CPSF3: variants seen among roughly 807,000 people sequenced by gnomAD.
CPSF3 encodes cleavage and polyadenylation specificity factor subunit 3.
A neutral mutation model predicts 84.1 loss-of-function variants in CPSF3; 57 were observed. The ratio of observed to expected loss-of-function variants is 0.68; its 90% CI spans 0.55 to 0.85. The LOEUF (loss-of-function observed/expected upper bound fraction) is 0.85, where lower values mean the gene tolerates loss of function less well. CPSF3 is among the 40% of genes least tolerant of loss of function. The probability of loss-of-function intolerance (pLI) is 0.00; values close to 1 mark genes in which losing one functional copy is unlikely to be tolerated. For missense variants in CPSF3, 522 were observed against 838.8 expected, an observed-to-expected ratio of 0.62 and a Z score of 4.66; for synonymous variants, 275 against 278.1, an observed-to-expected ratio of 0.99 and a Z score of 0.11.
intron 10 of CPSF3, among the ~76,000 whole-genome samples, chr2:9,444,408 G>A (rs912862856): frequency 1.3e-5 from 2 of 151,738 alleles, no homozygotes; most frequent in East Asian, 1.9e-4. Context: ...TTACAGGCGC[G>A]AGCCACTGCA....
intron 6 of CPSF3, among the ~76,000 whole-genome samples, 160 bp downstream of exon 6, chr2:9,434,120 C>T (rs898203480): frequency 1.3e-5 from 2 of 152,008 alleles, no homozygotes; most frequent in South Asian, 4.2e-4. Context: ...GTGGCTCACA[C>T]CTGTAATCCT....
intron 16 of CPSF3, 168 bp downstream of exon 16, chr2:9,467,944 T>G (rs1007781876): frequency 3.4e-5 from 20 of 582,136 alleles, no homozygotes; most frequent in Admixed American, 2.8e-4. Context: ...AACCGTTCCC[T>G]GCCAGCTCTG....
chr2:9,450,633 C>A (rs1448134081), intron 11 of CPSF3, among the ~76,000 whole-genome samples: 2 of 151,960 alleles, frequency 1.3e-5, no homozygotes, highest in East Asian at 1.9e-4. Context: ...ACTAAAGATA[C>A]GAAAATTAGC....
chr2:9,433,939 T>G lies in CPSF3; in HGVS notation c.588T>G (p.Ile196Met). The change falls in exon 6 of 18, where the codon ATT becomes ATG. Residue 196 changes from isoleucine (I) to methionine (M), a missense_variant. Transcript: ENST00000238112. The part of the protein sequence containing the change: ...RHLMAAEIPN[I>M]KPDILIIEST... Reference sequence around the variant, plus strand: ...TAATGGCAGCTGAAATTCCTAATATTAAGCCTGATATTCTTATCATTGTAA... The same window carrying G: ...TAATGGCAGCTGAAATTCCTAATATGAAGCCTGATATTCTTATCATTGTAA... The G allele has an allele frequency of 6.3e-7, 1 of 1,579,866 alleles. No individual in the cohort carries two copies. The highest frequency in any genetic ancestry group is 8.7e-7 in the Non-Finnish European group (1 of 1,149,112).
intron 15 of CPSF3, among the ~76,000 whole-genome samples, chr2:9,460,514 A>G (rs980388492): frequency 2.0e-5 from 3 of 152,202 alleles, no homozygotes; most frequent in African/African-American, 7.2e-5. Flanking sequence ...TTAGGAAGAT[A>G]TGCTACTATC....
intron 4 of CPSF3, 80 bp downstream of exon 4, chr2:9,430,960 T>C: frequency 9.7e-7 from 1 of 1,029,816 alleles, no homozygotes. Flanking sequence ...TTTTGTGTTT[T>C]AAAATGAGGT....
chr2:9,446,870 G>A (rs1681144409), intron 10 of CPSF3, among the ~76,000 whole-genome samples: 1 of 152,230 alleles, frequency 6.6e-6, no homozygotes, highest in African/African-American at 2.4e-5. Context: ...TTGGGGCTGA[G>A]CACAGTGGCT....
intron 13 of CPSF3, among the ~76,000 whole-genome samples, chr2:9,456,692 A>G (rs1681542252): frequency 6.6e-6 from 1 of 152,242 alleles, no homozygotes; most frequent in Non-Finnish European, 1.5e-5. Flanking sequence ...AGCATCACTT[A>G]AGTTTGCCAC....
At chr2:9,466,410 A>C (rs1040454518) in intron 15 of CPSF3, among the ~76,000 whole-genome samples, 1 of 142,204 alleles carries the variant, frequency 7.0e-6, no homozygotes, top group South Asian at 2.1e-4. Flanking sequence ...ACGCACGCGC[A>C]CACACGCACA....
At chr2:9,428,072 C>T (rs1334111460) in intron 1 of CPSF3, among the ~76,000 whole-genome samples, 2 of 151,594 alleles carry the variant, frequency 1.3e-5, no homozygotes, top group Non-Finnish European at 2.9e-5. Flanking sequence ...TCTCAGCTCA[C>T]TGCAAGCTCC....
At chr2:9,425,518 T>C (rs1462410223) in intron 1 of CPSF3, among the ~76,000 whole-genome samples, 1 of 152,020 alleles carries the variant, frequency 6.6e-6, no homozygotes, top group African/African-American at 2.4e-5. Context: ...GTGATGTGAG[T>C]GTGAGAGAGT....
intron 8 of CPSF3, among the ~76,000 whole-genome samples, chr2:9,441,149 T>C (rs1024151306): frequency 6.6e-6 from 1 of 152,230 alleles, no homozygotes; most frequent in African/African-American, 2.4e-5. Context: ...TCTTTTTGAT[T>C]AGTGCTGCAA....
rs750778723 is a variant in CPSF3, at chr2:9,448,243, G to A, written c.1288G>A (p.Ala430Thr). 5 of 1,611,510 alleles carry A rather than the reference G, an allele frequency of 3.1e-6. No individual in the cohort carries two copies. The highest frequency in any genetic ancestry group is 4.2e-6 in the Non-Finnish European group (5 of 1,177,818). ...EQNEMARLKA[A>T]LIREYEDNDE... ...GAATGAAATGGCCAGATTGAAAGCA[G>A]CACTGATTCGAGAATATGAAGATAA... Residue 430 changes from alanine to threonine, a missense_variant, in exon 11 of 18, where the codon GCA (alanine) becomes ACA (threonine). Ala to Thr is a moderately conservative substitution (Grantham distance 58). This residue lies in a region of CPSF3 where 329 missense variants were observed against 607.2 expected (regional missense o/e 0.54). Coordinates refer to ENST00000238112, the MANE Select transcript of CPSF3 (RefSeq NM_016207.4).
chr2:9,436,036 A>G (rs896358045), intron 6 of CPSF3, among the ~76,000 whole-genome samples, 175 bp from the exon 7 acceptor site: 1 of 152,240 alleles, frequency 6.6e-6, no homozygotes, highest in Non-Finnish European at 1.5e-5. Context: ...CTGGGCCTGA[A>G]TTCTAGCATT....
chr2:9,429,941 C>T lies in CPSF3; in HGVS notation c.133C>T (p.Pro45Ser). 1.3e-6 allele frequency: 2 copies of T among 1,599,032 alleles called. No individual in the cohort carries two copies. Among genetic ancestry groups the T allele is most frequent in the Admixed American group, 1.8e-5 (1 of 56,946 alleles). ...CTTTCAGCTCGACTGTGGGATCCAC[C>T]CTGGCCTAGAAGGAATGGATGCTCT... Reference protein sequence around the residue: ...RKIMLDCGIHPGLEGMDALPY... With the variant: ...RKIMLDCGIHSGLEGMDALPY... Residue 45 changes from proline to serine, a missense_variant, in exon 3 of 18, where the codon CCT (proline) becomes TCT (serine). Physicochemically the swap from Pro to Ser is moderately conservative, Grantham distance 74. Coordinates refer to ENST00000238112, the MANE Select transcript of CPSF3 (RefSeq NM_016207.4).
rs1329630862 is a variant in CPSF3 at position 9,469,432 on chromosome 2, G to T, written c.1856+1656G>T. On this transcript the variant is annotated intron_variant, in intron 16 of 17. Coordinates refer to ENST00000238112, the MANE Select transcript of CPSF3 (RefSeq NM_016207.4). ...AGTTCTGTTGGCGGCCCTGTTCCCT[G>T]GGGCTCTACAAGAATAGAAAACCCG... is the stretch of plus-strand genomic sequence containing the variant. 2.0e-5 allele frequency among the ~76,000 whole-genome samples: 3 copies of T among 152,116 alleles called. No homozygotes were observed. The East Asian group carries it at 5.8e-4, about 29-fold the overall frequency.
At chr2:9,440,000 G>A (rs763578436) in intron 7 of CPSF3, among the ~76,000 whole-genome samples, 7 of 150,686 alleles carry the variant, frequency 4.6e-5, no homozygotes, top group Admixed American at 2.0e-4. Context: ...AACAATAATA[G>A]CATAATATGA....
At chr2:9,431,305 TG>T (rs1267420844) in intron 4 of CPSF3, among the ~76,000 whole-genome samples, 2 of 152,226 alleles carry the variant, frequency 1.3e-5, no homozygotes, top group Non-Finnish European at 2.9e-5. Flanking sequence ...CCTCCTGCCT[TG>T]GCCTCCCAGA....
chr2:9,441,637 C>A, intron 8 of CPSF3, 181 bp from the exon 9 acceptor site: 1 of 611,714 alleles, frequency 1.6e-6, no homozygotes, highest in Non-Finnish European at 2.8e-6. Flanking sequence ...GGTTTTTCTA[C>A]CATTCCTAGC....
Sources: allele counts gnomAD v4.1 joint callset (sites outside exome capture counted in the v4.1 genomes callset), GRCh38; gene constraint gnomAD v4.1.1; regional missense constraint gnomAD v4.1.1; transcripts MANE v1.5; gene names NCBI Gene and HGNC (gene_info 2026-07-23, HGNC 2026-07-21).